Variants in EVC observed in about 807,000 individuals in gnomAD.
EVC encodes evC complex member EVC.
Under a neutral mutation model 118.9 loss-of-function variants are expected in EVC, and 116 were observed. The observed-to-expected ratio is 0.98, with a 90% CI of 0.84 to 1.14. The LOEUF (loss-of-function observed/expected upper bound fraction) is 1.14. EVC is among the 50% of genes most tolerant of loss of function. The pLI is 0.00. For missense variants in EVC, 1,401 were observed against 1,246.4 expected (o/e 1.12, Z -1.87); for synonymous variants, 619 against 534.7 (o/e 1.16, Z -2.18).
At chr4:5,717,351 C>T (rs139188296) in intron 1 of EVC, among the ~76,000 whole-genome samples, 271 of 151,724 alleles carry the variant, frequency 1.8e-3, no homozygotes, top group African/African-American at 6.1e-3. Flanking sequence ...GTTTTTTTTC[C>T]CTGTGTAGTG....
rs766325452 is a variant in EVC at position 5,797,246 on chromosome 4, G to A, written c.2097+14G>A. 6.3e-7 allele frequency: 1 copy of A among 1,593,084 alleles called. No individual in the cohort carries two copies. Among genetic ancestry groups the A allele is most frequent in the Non-Finnish European group, 8.5e-7 (1 of 1,170,156 alleles). ...CTCAGGGCCCTGGTAAGACCAGCAT[G>A]GTGGCCCCACCCATTCCAGACAGGC... On this transcript the variant is annotated intron_variant, in intron 14 of 20. Transcript: ENST00000264956.
chr4:5,718,952 G>A (rs1379089923), intron 1 of EVC, among the ~76,000 whole-genome samples: 3 of 152,170 alleles, frequency 2.0e-5, no homozygotes, highest in Admixed American at 1.3e-4. Flanking sequence ...AAAATGGAAC[G>A]AGCTTTGCTC....
intron 5 of EVC, among the ~76,000 whole-genome samples, chr4:5,733,664 C>T (rs1727212164): frequency 1.3e-5 from 2 of 152,142 alleles, no homozygotes; most frequent in South Asian, 4.2e-4. Flanking sequence ...CTGTAGGGGC[C>T]TCAGCAGAAA....
chr4:5,732,207 A>C (rs925738659), intron 4 of EVC, among the ~76,000 whole-genome samples: 2 of 152,118 alleles, frequency 1.3e-5, no homozygotes, highest in Admixed American at 1.3e-4. Flanking sequence ...ATTTGACCCA[A>C]CCCAGAGCAG....
chr4:5,786,899 C>T (rs1384281640), intron 12 of EVC, among the ~76,000 whole-genome samples: 2 of 150,262 alleles, frequency 1.3e-5, no homozygotes, highest in Non-Finnish European at 3.0e-5. Flanking sequence ...AATTAACACA[C>T]GATAGTTAGA....
chr4:5,802,870 C>G (rs1409986410), intron 16 of EVC, among the ~76,000 whole-genome samples: 1 of 152,162 alleles, frequency 6.6e-6, no homozygotes, highest in East Asian at 1.9e-4. Context: ...GGGACCAGTA[C>G]TAGTCTGTGG....
At chr4:5,790,439 C>T (rs1045909508) in intron 12 of EVC, among the ~76,000 whole-genome samples, 1 of 152,128 alleles carries the variant, frequency 6.6e-6, no homozygotes, top group East Asian at 1.9e-4. Context: ...CCAAATGCAG[C>T]GTGCGCCATC....
intron 11 of EVC, among the ~76,000 whole-genome samples, chr4:5,767,295 C>T (rs911388435): frequency 6.7e-6 from 1 of 149,432 alleles, no homozygotes; most frequent in East Asian, 2.0e-4. Flanking sequence ...AACCACTGCT[C>T]TCTTCAAAGC....
intron 11 of EVC, among the ~76,000 whole-genome samples, chr4:5,760,834 G>C (rs887194305): frequency 4.6e-5 from 7 of 152,194 alleles, no homozygotes; most frequent in African/African-American, 1.7e-4. Context: ...TTATAGGCGT[G>C]AGCCACCGCT....
intron 1 of EVC, among the ~76,000 whole-genome samples, chr4:5,717,091 TC>T (rs1179988726): frequency 1.3e-5 from 2 of 152,212 alleles, no homozygotes; most frequent in African/African-American, 4.8e-5. Context: ...TTCCAAGAAC[TC>T]CTATCACTTT....
In EVC at chr4:5,756,548, G is replaced by T; in HGVS notation, c.1563+186G>T. 6.6e-6 allele frequency among the ~76,000 whole-genome samples: 1 copy of T among 152,222 alleles called. No homozygotes were observed. ...CTTGCCCACATCAGAAACCGAGGCA[G>T]TTGGCCTTGGTCCTCTCTGAGGCAC... On this transcript the variant is annotated intron_variant, in intron 11 of 20. Transcript: ENST00000264956. This position sits in a 1 kb window ranked among gnomAD's most constrained non-coding sequence, Gnocchi z 4.2.
chr4:5,753,994 A>G lies in EVC; in HGVS notation c.1464+61A>G, dbSNP rs1269665196. On this transcript the variant is annotated intron_variant, in intron 10 of 20. Transcript: ENST00000264956. ...AGCCAGTTGTAGCTCTGTTCCCGTG[A>G]CTGAGCACGGGACGCCGGAGGTATT... 6 of 1,601,106 alleles carry G rather than the reference A, an allele frequency of 3.7e-6. No individual in the cohort carries two copies. The Admixed American group carries it at 1.0e-4, about 27-fold the overall frequency.
intron 12 of EVC, among the ~76,000 whole-genome samples, chr4:5,784,544 T>C (rs1028901108): frequency 3.3e-5 from 5 of 152,160 alleles, no homozygotes; most frequent in Admixed American, 3.3e-4. Flanking sequence ...TTGTGTTGTT[T>C]TCAGCTACAG....
intron 1 of EVC, among the ~76,000 whole-genome samples, chr4:5,712,268 A>G (rs1355393714): frequency 6.6e-6 from 1 of 152,226 alleles, no homozygotes; most frequent in Non-Finnish European, 1.5e-5. Flanking sequence ...AATCTCCACA[A>G]CAGTTTGTCT....
chr4:5,814,725 C>T (rs980398960), downstream of EVC, among the ~76,000 whole-genome samples: 4 of 151,998 alleles, frequency 2.6e-5, no homozygotes, highest in Non-Finnish European at 5.9e-5. Flanking sequence ...CCCACTGGGC[C>T]TTTGCTCATG....
At position 5,737,308 on chromosome 4, in the gene EVC, A is replaced by C. The variant is rs1727851206; in HGVS notation, c.702+3873A>C. 6.6e-6 allele frequency among the ~76,000 whole-genome samples: 1 copy of C among 152,254 alleles called. No individual in the cohort carries two copies. The highest frequency in any genetic ancestry group is 1.5e-5 in the Non-Finnish European group (1 of 68,050). ...AAGAAGCTGTCTCCAGAACAAACAA[A>C]AGTGCAAGGTGAAGCAGCAGCAAGT... On this transcript the variant is annotated intron_variant, in intron 5 of 20. Coordinates refer to ENST00000264956, the MANE Select transcript of EVC (RefSeq NM_153717.3). The surrounding 1 kb of genome is among the most constrained non-coding windows in gnomAD (Gnocchi z 5.0).
chr4:5,769,056 G>A (rs1220775736), intron 11 of EVC, among the ~76,000 whole-genome samples: 1 of 151,918 alleles, frequency 6.6e-6, no homozygotes, highest in Admixed American at 6.6e-5. Flanking sequence ...TACATTTGAT[G>A]GTCACCTATA....
chr4:5,752,866 C>G lies in EVC; in HGVS notation c.1129C>G (p.His377Asp). The change falls in exon 9 of 21, where the codon CAC (histidine) becomes GAC (aspartate). Residue 377 changes from histidine to aspartate, a missense_variant. His to Asp is a moderately conservative substitution (Grantham distance 81, BLOSUM62 -1). Transcript: ENST00000264956. ...CCTGGAGAGGACGATGGGGCGGGCGCACATGGCAAAAGTGATTGAGTTTCT... is the reference window on the plus strand; with the variant it reads ...CCTGGAGAGGACGATGGGGCGGGCGGACATGGCAAAAGTGATTGAGTTTCT... ...DALERTMGRAHMAKVIEFLKL... is the reference protein window; with the variant it reads ...DALERTMGRADMAKVIEFLKL... 6.2e-7 allele frequency: 1 copy of G among 1,614,194 alleles called. No homozygotes were observed. Among genetic ancestry groups the G allele is most frequent in the Non-Finnish European group, 8.5e-7 (1 of 1,180,028 alleles).
At position 5,731,565 on chromosome 4, in the gene EVC, A is replaced by C; in HGVS notation, c.525A>C (p.Ser175=). The part of the protein sequence containing the change: ...SQGEKDDCSS[S]SSVHSATSDD... ...GTGAGAAGGACGACTGCAGCTCCTC[A>C]TCCAGCGTCCACTCGGCCACCAGCG... Residue 175 remains serine (S), a synonymous_variant, in exon 4 of 21, where the codon TCA becomes TCC. Coordinates refer to ENST00000264956, the MANE Select transcript of EVC (RefSeq NM_153717.3). This position sits in a 1 kb window ranked among gnomAD's most constrained non-coding sequence, Gnocchi z 5.6. The C allele has an allele frequency of 6.2e-7, 1 of 1,614,004 alleles. No individual in the cohort carries two copies. Among genetic ancestry groups the C allele is most frequent in the South Asian group, 1.1e-5 (1 of 91,064 alleles).
Sources: gnomAD v4.1 joint callset for allele counts (sites outside exome capture counted in the v4.1 genomes callset) on GRCh38, gnomAD v4.1.1 for gene constraint, Gnocchi (gnomAD v3.1) non-coding constraint, MANE v1.5 for transcripts, NCBI Gene and HGNC (gene_info 2026-07-23, HGNC 2026-07-21) for gene names.